COLEC10: variants seen among roughly 807,000 people sequenced by gnomAD.
COLEC10 encodes the protein collectin-10.
Under a neutral mutation model 28.4 loss-of-function variants are expected in COLEC10, and 22 were observed. That is an observed-to-expected ratio of 0.78 (90% CI 0.55 to 1.11). COLEC10 has a LOEUF of 1.11. Among genes scored for constraint, COLEC10 ranks in the 50% least tolerant of loss-of-function variants. The pLI is 0.00. For synonymous variants in COLEC10, 125 were observed against 116.1 expected (o/e 1.08, Z -0.49); for missense variants, 361 against 344.1 (o/e 1.05, Z -0.39).
At chr8:119,063,702 TA>T (rs1163090269), upstream of COLEC10, among the ~76,000 whole-genome samples, 3 of 149,840 alleles carry the variant, frequency 2.0e-5, no homozygotes, top group East Asian at 6.0e-4. Flanking sequence ...GATATATATA[TA>T]TATTTTTTAA....
chr8:119,053,951 C>T (rs923794200), intron 2 of COLEC10, among the ~76,000 whole-genome samples: 7 of 152,080 alleles, frequency 4.6e-5, no homozygotes, highest in African/African-American at 1.4e-4. Flanking sequence ...ACAGTAAGAG[C>T]TTAACAGCAA....
chr8:119,057,346 C>A (rs1814782757), intron 2 of COLEC10, among the ~76,000 whole-genome samples: 1 of 152,102 alleles, frequency 6.6e-6, no homozygotes, highest in South Asian at 2.1e-4. Context: ...GTTAATTAAA[C>A]CTCTTTCCTT....
At chr8:119,053,693 G>A (rs531289391) in intron 2 of COLEC10, among the ~76,000 whole-genome samples, 45 of 150,298 alleles carry the variant, frequency 3.0e-4, no homozygotes, top group Admixed American at 1.1e-3. Flanking sequence ...AGGTGGGGGG[G>A]GCTTATTTCT....
exon 2 of COLEC10, chr8:119,009,447 G>C (rs960120782): frequency 6.6e-6 from 1 of 150,470 alleles, no homozygotes; most frequent in Non-Finnish European, 1.5e-5. Flanking sequence ...TTAGGTGCTT[G>C]CTTCCTTTTC....
upstream of COLEC10, among the ~76,000 whole-genome samples, chr8:119,066,500 A>G (rs1266853196): frequency 6.6e-6 from 1 of 152,020 alleles, no homozygotes; most frequent in Non-Finnish European, 1.5e-5. Context: ...CATGTCATAC[A>G]CTCTCATATA....
intron 1 of COLEC10, among the ~76,000 whole-genome samples, chr8:119,086,977 T>C (rs1815492903): frequency 6.6e-6 from 1 of 152,194 alleles, no homozygotes; most frequent in Admixed American, 6.5e-5. Flanking sequence ...TATGTGACCT[T>C]GGATGTTACT....
chr8:118,961,442 G>A, the COLEC10 span, among the ~76,000 whole-genome samples: 1 of 152,186 alleles, frequency 6.6e-6, no homozygotes, highest in Non-Finnish European at 1.5e-5. Flanking sequence ...GAAAGCTGTG[G>A]GTGGGTGCCA....
In COLEC10 at chr8:119,006,401, CT is replaced by C. The variant is rs199927839; in HGVS notation, n.123-3039del. On this transcript the variant is annotated intron_variant and non_coding_transcript_variant, in intron 1 of 6. Transcript: ENST00000521788. ...CTTTCCTTTCCTGTTTCATTTTCCC[CT>C]GTTCATCTCTTCTGCTTTCTGAAAT... Among the ~76,000 whole-genome samples the C allele has an allele frequency of 2.2e-3, 341 of 152,202 alleles. 10 individuals carry two copies. The East Asian group carries it at 0.051, about 23-fold the overall frequency.
At chr8:119,047,719 GA>G (rs1351179626) in intron 2 of COLEC10, among the ~76,000 whole-genome samples, 1 of 151,772 alleles carries the variant, frequency 6.6e-6, no homozygotes, top group Non-Finnish European at 1.5e-5. Context: ...CAAATAAATG[GA>G]AAGTCTGAAA....
rs1815550510 is a variant in COLEC10, at chr8:119,089,703, C to T, written c.172C>T (p.Pro58Ser). 6.2e-7 allele frequency: 1 copy of T among 1,613,510 alleles called. No individual in the cohort carries two copies. Among genetic ancestry groups the T allele is most frequent in the South Asian group, 1.1e-5 (1 of 91,042 alleles). ...AGGAGATGATGGTGAAAAAGGAGAT[C>T]CAGGAGAAGAGGGAAAGCATGGCAA... Reference protein sequence around the residue: ...PKGDDGEKGDPGEEGKHGKVG... With the variant: ...PKGDDGEKGDSGEEGKHGKVG... Residue 58 changes from proline to serine, a missense_variant, in exon 2 of 6, where the codon CCA (proline) becomes TCA (serine). Physicochemically the swap from Pro to Ser is moderately conservative, Grantham distance 74. Transcript: ENST00000332843.
chr8:119,044,086 A>G (rs1305028721), intron 2 of COLEC10, among the ~76,000 whole-genome samples: 3 of 152,226 alleles, frequency 2.0e-5, no homozygotes, highest in Non-Finnish European at 4.4e-5. Flanking sequence ...AGCTAGAGAG[A>G]CCACGTGTCC....
chr8:119,078,924 A>G (rs992624701), intron 1 of COLEC10, among the ~76,000 whole-genome samples: 5 of 151,434 alleles, frequency 3.3e-5, no homozygotes, highest in African/African-American at 2.4e-5. Context: ...AGAATATTGT[A>G]TGTTACATAT....
At chr8:119,005,318 T>C (rs1202884030) in intron 1 of COLEC10, among the ~76,000 whole-genome samples, 2 of 152,138 alleles carry the variant, frequency 1.3e-5, no homozygotes, top group African/African-American at 4.8e-5. Context: ...ACAGTCACAT[T>C]GCTATAACCA....
At chr8:119,052,818 C>T (rs1216067654) in intron 2 of COLEC10, among the ~76,000 whole-genome samples, 2 of 151,980 alleles carry the variant, frequency 1.3e-5, no homozygotes, top group Non-Finnish European at 2.9e-5. Flanking sequence ...AACTTATTAA[C>T]AAATTTAGTT....
intron 1 of COLEC10, among the ~76,000 whole-genome samples, chr8:118,998,708 G>A (rs1047761640): frequency 2.0e-5 from 3 of 151,068 alleles, no homozygotes; most frequent in Non-Finnish European, 4.4e-5. Context: ...TTAGCCAGGC[G>A]TGGTGGCAGG....
At position 119,107,778 on chromosome 8, in the gene COLEC10, AG is replaced by A. The variant is rs1191085856; in HGVS notation, c.*1589del. On this transcript the variant is annotated 3_prime_UTR_variant, in exon 6 of 6. Transcript: ENST00000332843. ...TCAGTGGCTGCTGCTGGTGCTAGGG[AG>A]GACCCAATCTTGCTAAATGTGCTGA... Among the ~76,000 whole-genome samples the A allele has an allele frequency of 6.6e-6, 1 of 152,190 alleles. No homozygotes were observed. Among genetic ancestry groups the A allele is most frequent in the Admixed American group, 6.6e-5 (1 of 15,256 alleles).
chr8:119,016,724 G>A (rs1201275802), intron 2 of COLEC10, among the ~76,000 whole-genome samples: 1 of 151,792 alleles, frequency 6.6e-6, no homozygotes, highest in Non-Finnish European at 1.5e-5. Flanking sequence ...TGGTTGTTTT[G>A]TTTGTTTGTT....
At chr8:119,015,421 T>G (rs1007845122) in intron 2 of COLEC10, among the ~76,000 whole-genome samples, 1 of 151,126 alleles carries the variant, frequency 6.6e-6, no homozygotes, top group African/African-American at 2.5e-5. Flanking sequence ...TAGGCTTTGG[T>G]TGAATAGTTT....
At chr8:119,035,406 T>C (rs1282979509) in intron 2 of COLEC10, among the ~76,000 whole-genome samples, 5 of 152,228 alleles carry the variant, frequency 3.3e-5, no homozygotes, top group Non-Finnish European at 7.3e-5. Context: ...TGCCCAAAAA[T>C]GGCTGACCCT....
Sources: allele counts gnomAD v4.1 joint callset (sites outside exome capture counted in the v4.1 genomes callset), GRCh38; gene constraint gnomAD v4.1.1; transcripts MANE v1.5; gene names NCBI Gene and HGNC (gene_info 2026-07-23, HGNC 2026-07-21).